The following PDE1B variants were observed in gnomAD, a reference collection of about 807,000 sequenced individuals.
PDE1B encodes the protein phosphodiesterase 1B, also known as dual specificity calcium/calmodulin-dependent 3',5'-cyclic nucleotide phosphodiesterase 1B.
In PDE1B, 13 loss-of-function variants were observed where a neutral mutation model predicts 66.7. The ratio of observed to expected loss-of-function variants is 0.19; its 90% CI spans 0.13 to 0.31. The LOEUF (loss-of-function observed/expected upper bound fraction) is 0.31. PDE1B is among the 10% of genes least tolerant of loss of function. The pLI is 1.00. For synonymous variants in PDE1B, 230 were observed against 253.9 expected, an observed-to-expected ratio of 0.91 and a Z score of 0.90; for missense variants, 485 against 682.3, an observed-to-expected ratio of 0.71 and a Z score of 3.22.
rs1277944872 is a variant in PDE1B at position 54,552,366 on chromosome 12, A to T, written c.113+2381A>T. ...AGTCTGGAAATAGGAAATAGACATG[A>T]TTATCTTAGGACTGGGTACTGCTTG... On this transcript the variant is annotated intron_variant, in intron 2 of 15. Transcript: ENST00000243052. 2.0e-5 allele frequency among the ~76,000 whole-genome samples: 3 copies of T among 152,168 alleles called. No homozygotes were observed. The East Asian group carries it at 5.8e-4, about 29-fold the overall frequency.
rs200771753 is a variant in PDE1B, at chr12:54,569,662, C to T, written c.477+50C>T. 4 of 1,255,724 alleles carry T rather than the reference C, an allele frequency of 3.2e-6. No homozygotes were observed. The highest frequency in any genetic ancestry group is 2.3e-5 in the East Asian group (1 of 43,190). The allele number at this position is 1,255,724 out of a possible 1,614,324, so 77.8% of individuals were successfully genotyped here. A position where few individuals can be genotyped will look rare whatever the true frequency, so the allele number is the denominator to read the frequency against. ...AGGAGAAAGTTAGGGGATGGAATAGCCACTGGGACTTCTAGACCCTGTTTA... is the reference window on the plus strand; with the variant it reads ...AGGAGAAAGTTAGGGGATGGAATAGTCACTGGGACTTCTAGACCCTGTTTA... On this transcript the variant is annotated intron_variant, in intron 5 of 15. Transcript: ENST00000243052. The surrounding 1 kb of genome is among the most constrained non-coding windows in gnomAD (Gnocchi z 4.4).
At chr12:54,551,491 G>A (rs1360779214) in intron 2 of PDE1B, among the ~76,000 whole-genome samples, 1 of 152,134 alleles carries the variant, frequency 6.6e-6, no homozygotes. Flanking sequence ...AGAAAATGAC[G>A]CTGCGTTAAT....
chr12:54,576,621 C>T lies in PDE1B; in HGVS notation c.1427C>T (p.Pro476Leu), dbSNP rs759657630. Reference sequence around the variant, plus strand: ...GATGTGGAAGTGGGAGACCCCAACCCTGATGTGGTCAGCTTTCGTTCCACC... The same window carrying T: ...GATGTGGAAGTGGGAGACCCCAACCTTGATGTGGTCAGCTTTCGTTCCACC... ...SLDVEVGDPN[P>L]DVVSFRSTWV... The change falls in exon 14 of 16, where the codon CCT (proline) becomes CTT (leucine). Residue 476 changes from proline (P) to leucine (L), a missense_variant. Around this residue, in one of 4 missense-constraint regions of PDE1B, gnomAD observed 126 missense variants for 133.8 expected, o/e 0.94. Transcript: ENST00000243052. The T allele has an allele frequency of 1.7e-5, 27 of 1,613,794 alleles. No homozygotes were observed. The highest frequency in any genetic ancestry group is 2.3e-5 in the Non-Finnish European group (27 of 1,179,878).
intron 2 of PDE1B, among the ~76,000 whole-genome samples, chr12:54,556,009 G>A (rs959567066): frequency 1.3e-5 from 2 of 152,234 alleles, no homozygotes; most frequent in Middle Eastern, 6.8e-3. Context: ...GGGGCCTTAG[G>A]AGTCCAGCCC....
intron 2 of PDE1B, among the ~76,000 whole-genome samples, chr12:54,559,225 C>T (rs1420064239): frequency 9.7e-6 from 1 of 102,758 alleles, no homozygotes; most frequent in East Asian, 3.3e-4. Context: ...CACCCCTTTA[C>T]CCCCACCCAC....
At chr12:54,559,621 C>G (rs1957381462) in intron 2 of PDE1B, among the ~76,000 whole-genome samples, 1 of 152,104 alleles carries the variant, frequency 6.6e-6, no homozygotes, top group African/African-American at 2.4e-5. Flanking sequence ...AGCATGCATA[C>G]CTGGGCTGAA....
Position 54,549,900 on chromosome 12 carries a change from G to A in PDE1B, c.28G>A (p.Glu10Lys). The A allele has an allele frequency of 6.2e-7, 1 of 1,614,160 alleles. No homozygotes were observed. The highest frequency in any genetic ancestry group is 8.5e-7 in the Non-Finnish European group (1 of 1,179,994). ...GGAGCTGTCCCCCCGCAGTCCTCCG[G>A]AGATGCTGGAGGAGTCGGATTGCCC... MELSPRSPP[E>K]MLEESDCPSP... Residue 10 changes from glutamate to lysine, a missense_variant, in exon 2 of 16, where the codon GAG becomes AAG. Physicochemically the swap from Glu to Lys is moderately conservative, Grantham distance 56. Coordinates refer to ENST00000243052, the MANE Select transcript of PDE1B (RefSeq NM_000924.4).
intron 14 of PDE1B, 130 bp downstream of exon 14, chr12:54,576,831 C>T (rs1957761116): frequency 1.7e-5 from 16 of 943,220 alleles, no homozygotes; most frequent in Non-Finnish European, 2.4e-5. Context: ...TGGAGCTGAT[C>T]AGACCAGTTA....
intron 2 of PDE1B, among the ~76,000 whole-genome samples, chr12:54,562,590 G>T (rs1202231822): frequency 6.6e-6 from 1 of 152,146 alleles, no homozygotes; most frequent in Non-Finnish European, 1.5e-5. Context: ...ATGTTGGTGG[G>T]ATAGAAGGAC....
Position 54,575,552 on chromosome 12 carries a change from G to A in PDE1B, c.1187G>A (p.Gly396Asp), listed in dbSNP as rs1957723617. The A allele has an allele frequency of 6.2e-7, 1 of 1,608,136 alleles. No individual in the cohort carries two copies. Among genetic ancestry groups the A allele is most frequent in the Non-Finnish European group, 8.5e-7 (1 of 1,174,714 alleles). The change falls in exon 12 of 16, where the codon GGT (glycine) becomes GAT (aspartate). Residue 396 changes from glycine to aspartate, a missense_variant and splice_region_variant. Coordinates refer to ENST00000243052, the MANE Select transcript of PDE1B (RefSeq NM_000924.4). This position sits in a 1 kb window ranked among gnomAD's most constrained non-coding sequence, Gnocchi z 4.0. ...TTCCTACCCTGTTCCCTCCTCTAGG[G>A]TGACAAGGAGGCAGAGTTGGGCCTG... The part of the protein sequence containing the change: ...KALMEEFFRQ[G>D]DKEAELGLPF...
At chr12:54,566,335 G>A (rs561324588) in intron 2 of PDE1B, among the ~76,000 whole-genome samples, 7 of 152,282 alleles carry the variant, frequency 4.6e-5, no homozygotes, top group Non-Finnish European at 8.8e-5. Context: ...GGGTTAACCC[G>A]GCTTTGTCCT....
chr12:54,575,838 A>G lies in PDE1B; in HGVS notation c.1268-154A>G. 1.3e-6 allele frequency: 1 copy of G among 745,390 alleles called. No homozygotes were observed. Among genetic ancestry groups the G allele is most frequent in the Non-Finnish European group, 2.4e-6 (1 of 424,208 alleles). The allele number at this position is 745,390 out of a possible 1,614,324, so 46.2% of individuals were successfully genotyped here. A position where few individuals can be genotyped will look rare whatever the true frequency, so the allele number is the denominator to read the frequency against. ...CTCTGGGGCACCAAGACATCATCCC[A>G]AAGCCTGCCCTGCATTGGGAAGTTT... On this transcript the variant is annotated intron_variant, in intron 12 of 15. Coordinates refer to ENST00000243052, the MANE Select transcript of PDE1B (RefSeq NM_000924.4). The surrounding 1 kb of genome is among the most constrained non-coding windows in gnomAD (Gnocchi z 4.0).
chr12:54,557,292 G>T (rs1957353855), intron 2 of PDE1B, among the ~76,000 whole-genome samples: 1 of 152,114 alleles, frequency 6.6e-6, no homozygotes, highest in African/African-American at 2.4e-5. Flanking sequence ...TTTTTAAATT[G>T]CAGTGAAATA....
At chr12:54,576,451 A>G (rs1280510771) in intron 13 of PDE1B, 120 bp from the exon 14 acceptor site, 8 of 1,156,670 alleles carry the variant, frequency 6.9e-6, no homozygotes, top group Non-Finnish European at 1.0e-5. Context: ...AGAGGAAAAG[A>G]GGAAGATGAA....
At position 54,569,522 on chromosome 12, in the gene PDE1B, C is replaced by T. The variant is rs1486452619; in HGVS notation, c.411-24C>T. On this transcript the variant is annotated intron_variant, in intron 4 of 15. Transcript: ENST00000243052. The surrounding 1 kb of genome is among the most constrained non-coding windows in gnomAD (Gnocchi z 4.4). ...CCACTCCCAGACCTTCATATGTGGG[C>T]TTCTTCTCATTGTTCTCTCTCAGGA... 2 of 1,606,556 alleles carry T rather than the reference C, an allele frequency of 1.2e-6. No homozygotes were observed. The highest frequency in any genetic ancestry group is 1.1e-5 in the South Asian group (1 of 90,888).
rs910994949 is a variant in PDE1B at position 54,573,890 on chromosome 12, T to A, written c.1064+181T>A. ...GAGAGAGTGTGTGTGTGTGTGTGTGTGTGTGTGTGTGTGTGTGTGTGTCCT... is the reference window on the plus strand; with the variant it reads ...GAGAGAGTGTGTGTGTGTGTGTGTGAGTGTGTGTGTGTGTGTGTGTGTCCT... On this transcript the variant is annotated intron_variant, in intron 10 of 15. Coordinates refer to ENST00000243052, the MANE Select transcript of PDE1B (RefSeq NM_000924.4). This position sits in a 1 kb window ranked among gnomAD's most constrained non-coding sequence, Gnocchi z 5.2. 9.1e-5 allele frequency: 54 copies of A among 593,232 alleles called. No homozygotes were observed. The highest frequency in any genetic ancestry group is 2.8e-4 in the East Asian group (10 of 35,166). 36.7% of individuals were successfully genotyped at this position (593,232 alleles called of 1,614,324 possible). A position where few individuals can be genotyped will look rare whatever the true frequency, so the allele number is the denominator to read the frequency against.
chr12:54,575,012 G>A lies in PDE1B; in HGVS notation c.1065-86G>A. ...AAAAAAAGGAAGAAGTTATGTGATAGGGTGTGCGTGGGAAGTTAGGGAATG... is the reference window on the plus strand; with the variant it reads ...AAAAAAAGGAAGAAGTTATGTGATAAGGTGTGCGTGGGAAGTTAGGGAATG... On this transcript the variant is annotated intron_variant, in intron 10 of 15. Transcript: ENST00000243052. The surrounding 1 kb of genome is among the most constrained non-coding windows in gnomAD (Gnocchi z 4.0). 9.3e-7 allele frequency: 1 copy of A among 1,071,260 alleles called. No individual in the cohort carries two copies. The highest frequency in any genetic ancestry group is 1.4e-6 in the Non-Finnish European group (1 of 722,294). 66.4% of individuals were successfully genotyped at this position (1,071,260 alleles called of 1,614,324 possible).
At chr12:54,562,558 CAG>C (rs1957437048) in intron 2 of PDE1B, among the ~76,000 whole-genome samples, 1 of 152,148 alleles carries the variant, frequency 6.6e-6, no homozygotes, top group African/African-American at 2.4e-5. Context: ...ATGGCTGAAA[CAG>C]AGGGTTTGGA....
chr12:54,577,679 G>T, intron 15 of PDE1B, 181 bp from the exon 16 acceptor site: 1 of 906,136 alleles, frequency 1.1e-6, no homozygotes, highest in Non-Finnish European at 1.6e-6. Context: ...GCTCAGTGAG[G>T]GCAGCTGAAC....
Sources: allele counts gnomAD v4.1 joint callset (sites outside exome capture counted in the v4.1 genomes callset), GRCh38; gene constraint gnomAD v4.1.1; regional missense constraint gnomAD v4.1.1; non-coding constraint Gnocchi (gnomAD v3.1); transcripts MANE v1.5; gene names NCBI Gene and HGNC (gene_info 2026-07-23, HGNC 2026-07-21).